Variants in DENND1A observed in about 807,000 individuals in gnomAD.
DENND1A encodes the protein DENN domain-containing protein 1A.
Under a neutral mutation model 113.7 loss-of-function variants are expected in DENND1A, and 51 were observed. The observed-to-expected ratio is 0.45, with a 90% CI of 0.36 to 0.57. The LOEUF (loss-of-function observed/expected upper bound fraction) is 0.57, where lower values mean the gene tolerates loss of function less well. Among genes scored for constraint, DENND1A ranks in the 20% least tolerant of loss-of-function variants. DENND1A has a pLI of 0.00. For synonymous variants in DENND1A, 565 were observed against 570.8 expected, an observed-to-expected ratio of 0.99 and a Z score of 0.14; for missense variants, 1,258 against 1,395.9, an observed-to-expected ratio of 0.90 and a Z score of 1.57.
intron 9 of DENND1A, among the ~76,000 whole-genome samples, chr9:123,636,852 A>C (rs190947501): frequency 2.6e-5 from 4 of 151,908 alleles, no homozygotes; most frequent in African/African-American, 4.8e-5. Context: ...ATGCGCCACC[A>C]TGCCCAGCTA....
intron 5 of DENND1A, among the ~76,000 whole-genome samples, chr9:123,727,554 A>G (rs1175325409): frequency 1.3e-5 from 2 of 152,318 alleles, no homozygotes; most frequent in East Asian, 3.9e-4. Flanking sequence ...GAAATCATAA[A>G]CAGATGATGA....
chr9:123,717,451 A>G (rs575003509), intron 5 of DENND1A, among the ~76,000 whole-genome samples: 1 of 152,358 alleles, frequency 6.6e-6, no homozygotes, highest in East Asian at 1.9e-4. Flanking sequence ...AGGCAACTGT[A>G]CAAGATTACA....
At position 123,694,027 on chromosome 9, in the gene DENND1A, G is replaced by C. The variant is rs532667805; in HGVS notation, c.303-17238C>G. Reference sequence around the variant, plus strand: ...ATTTTTTTTTTTTTAGTAGAGACAGGGTTTCATCATGTTGGCCAGGATGGT... The same window carrying C: ...ATTTTTTTTTTTTTAGTAGAGACAGCGTTTCATCATGTTGGCCAGGATGGT... On this transcript the variant is annotated intron_variant, in intron 5 of 23. Transcript: ENST00000394215. 4.0e-5 allele frequency among the ~76,000 whole-genome samples: 6 copies of C among 151,564 alleles called. No homozygotes were observed. The East Asian group carries it at 1.2e-3, about 29-fold the overall frequency.
At chr9:123,607,243 T>C (rs926621386) in intron 11 of DENND1A, among the ~76,000 whole-genome samples, 1 of 151,784 alleles carries the variant, frequency 6.6e-6, no homozygotes, top group Non-Finnish European at 1.5e-5. Flanking sequence ...GTTTATCAAA[T>C]GAATAAGGCT....
chr9:123,639,205 A>G (rs2061891517), intron 9 of DENND1A, among the ~76,000 whole-genome samples: 1 of 151,932 alleles, frequency 6.6e-6, no homozygotes, highest in Admixed American at 6.6e-5. Context: ...ACGGAGGCCA[A>G]GGCAGGCGGA....
At chr9:123,745,686 G>C (rs571782867) in intron 5 of DENND1A, among the ~76,000 whole-genome samples, 3 of 152,202 alleles carry the variant, frequency 2.0e-5, no homozygotes, top group African/African-American at 7.2e-5. Context: ...AGCTCTTCAA[G>C]AATGTTCATA....
chr9:123,557,939 C>G lies in DENND1A; in HGVS notation c.868-244G>C, dbSNP rs185926339. Among the ~76,000 whole-genome samples, 60 of 151,988 alleles carry G rather than the reference C, an allele frequency of 3.9e-4. No homozygotes were observed. In the East Asian group the frequency reaches 0.01, roughly 26 times the overall value. On this transcript the variant is annotated intron_variant, in intron 12 of 23. Coordinates refer to ENST00000394215, the MANE Select transcript of DENND1A (RefSeq NM_001352964.2). ...CCCGGGAGGCAGAGGCTACAGTGAG[C>G]CGAGATTGCGCCATTGCACTCCAGC...
At chr9:123,780,837 T>C (rs1050776012) in intron 3 of DENND1A, among the ~76,000 whole-genome samples, 2 of 152,110 alleles carry the variant, frequency 1.3e-5, no homozygotes, top group Non-Finnish European at 2.9e-5. Flanking sequence ...AAGTAACAAG[T>C]GGAAAGGGAC....
chr9:123,852,779 A>G (rs1243846306), intron 2 of DENND1A, among the ~76,000 whole-genome samples: 1 of 152,148 alleles, frequency 6.6e-6, no homozygotes, highest in Admixed American at 6.5e-5. Flanking sequence ...TGAAAACACC[A>G]CCCTATAAAC....
chr9:123,893,267 G>A (rs1403952555), intron 1 of DENND1A, among the ~76,000 whole-genome samples: 1 of 152,186 alleles, frequency 6.6e-6, no homozygotes, highest in Non-Finnish European at 1.5e-5. Flanking sequence ...CTAGAACCCA[G>A]GCAGATTTGG....
In DENND1A at chr9:123,903,590, C is replaced by T. The variant is rs553976464; in HGVS notation, c.18-24569G>A. Among the ~76,000 whole-genome samples, 706 of 152,174 alleles carry T rather than the reference C, an allele frequency of 4.6e-3. 3 individuals carry two copies. Among genetic ancestry groups the T allele is most frequent in the African/African-American group, 0.016 (667 of 41,502 alleles). On this transcript the variant is annotated intron_variant, in intron 1 of 23. Coordinates refer to ENST00000394215, the MANE Select transcript of DENND1A (RefSeq NM_001352964.2). ...GCAAGGGGTCAGGGAGTTCCCTTTC[C>T]GAGTCAAAGAAAGAGGTGACGGATG...
At chr9:123,524,871 G>A (rs1160210800) in intron 13 of DENND1A, among the ~76,000 whole-genome samples, 3 of 152,176 alleles carry the variant, frequency 2.0e-5, no homozygotes, top group African/African-American at 7.2e-5. Flanking sequence ...GCCTACCTCC[G>A]ACTTAGCTAC....
chr9:123,642,914 G>A (rs1252363738), intron 9 of DENND1A, among the ~76,000 whole-genome samples: 1 of 152,228 alleles, frequency 6.6e-6, no homozygotes, highest in East Asian at 1.9e-4. Context: ...ACATGACAAG[G>A]TGGCGTTCGT....
At chr9:123,383,061 C>G (rs983884561) in intron 23 of DENND1A, among the ~76,000 whole-genome samples, 1 of 152,192 alleles carries the variant, frequency 6.6e-6, no homozygotes, top group Non-Finnish European at 1.5e-5. Flanking sequence ...GCAAGCCACA[C>G]GGCCCGGGTG....
chr9:123,822,640 A>G (rs1156714032), intron 2 of DENND1A, among the ~76,000 whole-genome samples: 1 of 152,244 alleles, frequency 6.6e-6, no homozygotes, highest in African/African-American at 2.4e-5. Context: ...GCTATTTGTT[A>G]CAATGGTGGC....
chr9:123,824,863 A>G (rs1033435942), intron 2 of DENND1A, among the ~76,000 whole-genome samples: 1 of 152,224 alleles, frequency 6.6e-6, no homozygotes, highest in African/African-American at 2.4e-5. Flanking sequence ...ACAATAGAAT[A>G]AAATTTCATT....
intron 2 of DENND1A, among the ~76,000 whole-genome samples, chr9:123,853,581 T>C (rs1200376950): frequency 6.6e-6 from 1 of 152,082 alleles, no homozygotes; most frequent in African/African-American, 2.4e-5. Context: ...TGAGAATCAC[T>C]TGAACCTGGG....
At chr9:123,569,716 C>G (rs901806041) in intron 12 of DENND1A, 18 of 152,316 alleles carry the variant, frequency 1.2e-4, no homozygotes, top group African/African-American at 4.3e-4. Context: ...ATGCTGGTCA[C>G]AGGTGCTACT....
In DENND1A at chr9:123,460,572, A is replaced by G. The variant is rs555998847; in HGVS notation, c.994-2675T>C. On this transcript the variant is annotated intron_variant, in intron 13 of 23. Coordinates refer to ENST00000394215, the MANE Select transcript of DENND1A (RefSeq NM_001352964.2). ...GCGCCCCAAATCTATTTTTTTCTTAACTGTCATTATCCACAGTTACCCACA... is the reference window on the plus strand; with the variant it reads ...GCGCCCCAAATCTATTTTTTTCTTAGCTGTCATTATCCACAGTTACCCACA... Among the ~76,000 whole-genome samples, 21 of 152,272 alleles carry G rather than the reference A, an allele frequency of 1.4e-4. No individual in the cohort carries two copies. In the East Asian group the frequency reaches 3.7e-3, roughly 27 times the overall value.
Sources: gnomAD v4.1 joint callset for allele counts (sites outside exome capture counted in the v4.1 genomes callset) on GRCh38, gnomAD v4.1.1 for gene constraint, MANE v1.5 for transcripts, NCBI Gene and HGNC (gene_info 2026-07-23, HGNC 2026-07-21) for gene names.